The following RINT1 variants were observed in gnomAD, a reference collection of about 807,000 sequenced individuals.
RINT1 encodes RAD50-interacting protein 1.
RINT1 carries 75 observed loss-of-function variants against 97.7 expected under a neutral mutation model. The observed-to-expected ratio is 0.77, with a 90% CI of 0.64 to 0.93. The LOEUF (loss-of-function observed/expected upper bound fraction) is 0.93, where lower values mean the gene tolerates loss of function less well. Among genes scored for constraint, RINT1 ranks in the 40% least tolerant of loss-of-function variants. The pLI, the probability that RINT1 is intolerant of heterozygous loss-of-function variation, is 0.00. For synonymous variants in RINT1, 303 were observed against 326.3 expected (o/e 0.93, Z 0.77); for missense variants, 892 against 925.2 (o/e 0.96, Z 0.47).
At chr7:105,556,496 A>G (rs1324946467) in intron 11 of RINT1, among the ~76,000 whole-genome samples, 2 of 151,358 alleles carry the variant, frequency 1.3e-5, no homozygotes, top group Non-Finnish European at 2.9e-5. Flanking sequence ...ATATATTAGT[A>G]TTTATCTCTA....
intron 6 of RINT1, 117 bp from the exon 7 acceptor site, chr7:105,548,437 A>T: frequency 1.2e-6 from 1 of 833,614 alleles, no homozygotes; most frequent in Non-Finnish European, 2.0e-6. Context: ...CATCATAATT[A>T]ACTCTACTGA....
In RINT1 at chr7:105,548,633, C is replaced by A. The variant is rs751559050; in HGVS notation, c.919C>A (p.Gln307Lys). ...PASPSVILPI[Q>K]VMLTPLQKRF... ...CTCCCCTTCTGTCATCCTGCCCATC[C>A]AGGTTATGCTGACTCCTCTTCAGAA... The change falls in exon 7 of 15, where the codon CAG becomes AAG. Residue 307 changes from glutamine to lysine, a missense_variant. Physicochemically the swap from Gln to Lys is moderately conservative, Grantham distance 53. Coordinates refer to ENST00000257700, the MANE Select transcript of RINT1 (RefSeq NM_021930.6). 2.5e-6 allele frequency: 4 copies of A among 1,614,074 alleles called. No homozygotes were observed. The South Asian group carries it at 4.4e-5, about 18-fold the overall frequency.
rs1344746705 is a variant in RINT1 at position 105,567,484 on chromosome 7, C to T, written c.*173C>T. On this transcript the variant is annotated 3_prime_UTR_variant, in exon 15 of 15. Coordinates refer to ENST00000257700, the MANE Select transcript of RINT1 (RefSeq NM_021930.6). ...ATGCTGACCATATTTCCTTCATCCT[C>T]TTGTTCCTAAGGAAACAAAAACAGA... 2 of 706,154 alleles carry T rather than the reference C, an allele frequency of 2.8e-6. No homozygotes were observed. The highest frequency in any genetic ancestry group is 5.1e-6 in the Non-Finnish European group (2 of 392,390). 43.7% of individuals were successfully genotyped at this position (706,154 alleles called of 1,614,324 possible).
intron 3 of RINT1, among the ~76,000 whole-genome samples, chr7:105,540,487 C>T (rs1355984215): frequency 6.6e-6 from 1 of 152,084 alleles, no homozygotes; most frequent in African/African-American, 2.4e-5. Flanking sequence ...GTCTCAAACT[C>T]CTTACCTCAA....
intron 11 of RINT1, among the ~76,000 whole-genome samples, chr7:105,557,345 G>A (rs1193624001): frequency 1.3e-5 from 2 of 152,092 alleles, no homozygotes; most frequent in Non-Finnish European, 2.9e-5. Context: ...ATTAACTGAA[G>A]ATTAGTGATA....
chr7:105,563,622 G>T (rs186908334), intron 11 of RINT1, 111 bp from the exon 12 acceptor site: 14 of 878,254 alleles, frequency 1.6e-5, no homozygotes, highest in Non-Finnish European at 2.3e-5. Flanking sequence ...ATGAGCCACC[G>T]TGCCCGGTCG....
Position 105,565,471 on chromosome 7 carries a change from G to C in RINT1, c.2067+14G>C, listed in dbSNP as rs530777123. 2 of 1,612,312 alleles carry C rather than the reference G, an allele frequency of 1.2e-6. No individual in the cohort carries two copies. The highest frequency in any genetic ancestry group is 1.3e-5 in the African/African-American group (1 of 74,964). On this transcript the variant is annotated intron_variant, in intron 13 of 14. Transcript: ENST00000257700. The stretch of plus-strand genomic sequence containing the variant: ...ATCTACCAAGAAGTAAGTAAGAATA[G>C]ACTGTTTTTGGGCTGTGATAATAAA...
intron 14 of RINT1, among the ~76,000 whole-genome samples, chr7:105,565,992 G>A (rs369777911): frequency 1.9e-4 from 29 of 152,162 alleles, no homozygotes; most frequent in Admixed American, 1.9e-3. Context: ...TTACAGGGCC[G>A]GGCGTGGTGG....
At chr7:105,557,555 G>A (rs1791236962) in intron 11 of RINT1, among the ~76,000 whole-genome samples, 2 of 152,096 alleles carry the variant, frequency 1.3e-5, no homozygotes, top group South Asian at 4.1e-4. Context: ...AGTCTAGAAA[G>A]CATTAAATTT....
chr7:105,532,735 G>T, intron 1 of RINT1, 89 bp from the exon 2 acceptor site: 1 of 1,368,022 alleles, frequency 7.3e-7, no homozygotes, highest in Non-Finnish European at 1.0e-6. Flanking sequence ...AACCTCTCTT[G>T]CCTCCAGTGG....
At position 105,548,692 on chromosome 7, in the gene RINT1, G is replaced by C; in HGVS notation, c.978G>C (p.Gln326His). The C allele has an allele frequency of 6.2e-7, 1 of 1,612,854 alleles. No individual in the cohort carries two copies. Among genetic ancestry groups the C allele is most frequent in the South Asian group, 1.1e-5 (1 of 90,812 alleles). Reference sequence around the variant, plus strand: ...GGTATCACTTCAGAGGGAACCGGCAGACTAATGTGTTAAGCAAGGTGTGTT... The same window carrying C: ...GGTATCACTTCAGAGGGAACCGGCACACTAATGTGTTAAGCAAGGTGTGTT... ...RFRYHFRGNR[Q>H]TNVLSKPEWY... The change falls in exon 7 of 15, where the codon CAG (glutamine) becomes CAC (histidine). Residue 326 changes from glutamine (Q) to histidine (H), a missense_variant. By Grantham distance (24) the Gln-to-His change is conservative. Transcript: ENST00000257700.
chr7:105,559,511 A>G (rs1184349561), intron 11 of RINT1, among the ~76,000 whole-genome samples: 1 of 131,590 alleles, frequency 7.6e-6, no homozygotes, highest in Non-Finnish European at 1.6e-5. Context: ...ACTGCACTCC[A>G]GCTTGGGTGA....
intron 3 of RINT1, chr7:105,542,126 T>TA (rs960610046): frequency 3.5e-5 from 9 of 255,062 alleles, no homozygotes; most frequent in African/African-American, 2.0e-4. Context: ...TAAAAAAGGT[T>TA]ACATACAGCC....
At chr7:105,557,777 C>T (rs1389400721) in intron 11 of RINT1, among the ~76,000 whole-genome samples, 2 of 151,424 alleles carry the variant, frequency 1.3e-5, no homozygotes, top group African/African-American at 4.9e-5. Flanking sequence ...AAATAGGGGG[C>T]AAAAATAAAT....
chr7:105,547,288 G>C lies in RINT1; in HGVS notation c.794G>C (p.Ser265Thr), dbSNP rs1409521142. The C allele has an allele frequency of 6.2e-7, 1 of 1,614,034 alleles. No homozygotes were observed. The highest frequency in any genetic ancestry group is 8.5e-7 in the Non-Finnish European group (1 of 1,180,028). ...CCTGCCAGTGCCCCGGAGATATACA[G>C]TTACCTGGAGACACTGTTTTGTCAG... ...SRPASAPEIY[S>T]YLETLFCQLL... Residue 265 changes from serine to threonine, a missense_variant, in exon 6 of 15, where the codon AGT becomes ACT. Ser to Thr is a moderately conservative substitution (Grantham distance 58, BLOSUM62 1). Transcript: ENST00000257700.
At chr7:105,533,793 C>G (rs1349724274) in intron 2 of RINT1, among the ~76,000 whole-genome samples, 2 of 152,180 alleles carry the variant, frequency 1.3e-5, no homozygotes, top group East Asian at 1.9e-4. Flanking sequence ...CCTTCCCTTT[C>G]CATTTTCCAC....
rs776707254 is a variant in RINT1, at chr7:105,542,644, A to G, written c.510A>G (p.Glu170=). Residue 170 remains glutamate (E), a synonymous_variant, in exon 4 of 15, where the codon GAA becomes GAG. Coordinates refer to ENST00000257700, the MANE Select transcript of RINT1 (RefSeq NM_021930.6). ...AYLKWISQIE[E]LSDNIQQYLM... ...TTAAATGGATTTCACAAATTGAAGA[A>G]CTAAGGTAAAATGGGCCTCTTTGTT... 7 of 1,613,022 alleles carry G rather than the reference A, an allele frequency of 4.3e-6. No homozygotes were observed.
intron 3 of RINT1, among the ~76,000 whole-genome samples, chr7:105,538,692 T>C (rs1313210179): frequency 2.6e-5 from 4 of 152,262 alleles, no homozygotes; most frequent in East Asian, 1.9e-4. Context: ...CCCTTTCCTT[T>C]TCCCTAGCAG....
At chr7:105,557,098 A>C (rs1791212883) in intron 11 of RINT1, among the ~76,000 whole-genome samples, 4 of 152,200 alleles carry the variant, frequency 2.6e-5, no homozygotes, top group Admixed American at 2.6e-4. Context: ...ATGACTATGA[A>C]ATGGTAAAAT....
Sources: allele counts gnomAD v4.1 joint callset (sites outside exome capture counted in the v4.1 genomes callset), GRCh38; gene constraint gnomAD v4.1.1; transcripts MANE v1.5; gene names NCBI Gene and HGNC (gene_info 2026-07-23, HGNC 2026-07-21).